The following SDK1 variants were observed in gnomAD, a reference collection of about 807,000 sequenced individuals.
SDK1 encodes sidekick cell adhesion molecule 1, also known as protein sidekick-1.
Under a neutral mutation model 245.5 loss-of-function variants are expected in SDK1, and 157 were observed. The observed-to-expected ratio is 0.64, with a 90% confidence interval of 0.56 to 0.73. The LOEUF (loss-of-function observed/expected upper bound fraction) is 0.73. Ranked by LOEUF, SDK1 falls within the 30% of genes least tolerant of loss-of-function variation. SDK1 has a pLI of 0.00. For missense variants in SDK1, 3,583 were observed against 3,002.3 expected (o/e 1.19, Z -4.52); for synonymous variants, 1,647 against 1,278.5 (o/e 1.29, Z -6.15).
At chr7:4,021,130 C>T (rs1465880015) in intron 17 of SDK1, among the ~76,000 whole-genome samples, 1 of 152,138 alleles carries the variant, frequency 6.6e-6, no homozygotes, top group Non-Finnish European at 1.5e-5. Context: ...AGGGCCCTGA[C>T]CCCGAGGGTA....
chr7:3,623,346 C>T (rs930003725), intron 2 of SDK1, among the ~76,000 whole-genome samples: 9 of 149,452 alleles, frequency 6.0e-5, no homozygotes, highest in Admixed American at 1.4e-4. Flanking sequence ...CTCCTGGTCT[C>T]AAGCGATTGT....
In SDK1 at chr7:4,245,680, C is replaced by T; in HGVS notation, c.6256C>T (p.Pro2086Ser). 4.3e-6 allele frequency: 7 copies of T among 1,613,930 alleles called. No individual in the cohort carries two copies. Among genetic ancestry groups the T allele is most frequent in the African/African-American group, 1.3e-5 (1 of 75,034 alleles). The part of the protein sequence containing the change: ...TFSKKNGTRS[P>S]PRPSPGGLHY... ...CAGCATGGGTCCTCATCCTAGGTCCCCACCCCGGCCTAGCCCCGGCGGCCT... is the reference window on the plus strand; with the variant it reads ...CAGCATGGGTCCTCATCCTAGGTCCTCACCCCGGCCTAGCCCCGGCGGCCT... Residue 2086 changes from proline to serine, a missense_variant, in exon 44 of 45, where the codon CCA becomes TCA. By Grantham distance (74) the Pro-to-Ser change is moderately conservative. Transcript: ENST00000404826.
At chr7:3,677,021 TGC>T (rs1783923509) in intron 4 of SDK1, among the ~76,000 whole-genome samples, 1 of 152,236 alleles carries the variant, frequency 6.6e-6, no homozygotes, top group Non-Finnish European at 1.5e-5. Flanking sequence ...CAAGGATTCC[TGC>T]ACCTCTTGGC....
chr7:3,626,342 G>C (rs562400397), intron 2 of SDK1, among the ~76,000 whole-genome samples: 1 of 152,318 alleles, frequency 6.6e-6, no homozygotes, highest in Non-Finnish European at 1.5e-5. Flanking sequence ...TCATGAAAGA[G>C]TCCCTTCTAA....
At chr7:3,676,486 C>T (rs1365993887) in intron 4 of SDK1, among the ~76,000 whole-genome samples, 1 of 151,846 alleles carries the variant, frequency 6.6e-6, no homozygotes, top group Non-Finnish European at 1.5e-5. Flanking sequence ...CCACCACGCC[C>T]AGCTAATTTT....
intron 1 of SDK1, among the ~76,000 whole-genome samples, chr7:3,570,737 T>C (rs184607454): frequency 6.6e-6 from 1 of 152,246 alleles, no homozygotes; most frequent in African/African-American, 2.4e-5. Flanking sequence ...AGAGTCGGTG[T>C]AATTTACTGC....
At chr7:3,743,907 C>T (rs1170072763) in intron 4 of SDK1, among the ~76,000 whole-genome samples, 6 of 152,176 alleles carry the variant, frequency 3.9e-5, no homozygotes. Flanking sequence ...AATGTGCTGA[C>T]ATCATGTAGC....
At chr7:3,551,793 G>T (rs1779423373) in intron 1 of SDK1, among the ~76,000 whole-genome samples, 1 of 151,926 alleles carries the variant, frequency 6.6e-6, no homozygotes, top group Non-Finnish European at 1.5e-5. Flanking sequence ...TTTCCACCCT[G>T]GCCTCCCGAA....
At chr7:4,045,348 T>G (rs1788943204) in intron 17 of SDK1, among the ~76,000 whole-genome samples, 1 of 152,024 alleles carries the variant, frequency 6.6e-6, no homozygotes, top group African/African-American at 2.4e-5. Flanking sequence ...GCTCTAGTGA[T>G]CCCCCCATCT....
intron 5 of SDK1, among the ~76,000 whole-genome samples, chr7:3,902,752 G>C (rs1173303526): frequency 6.6e-6 from 1 of 152,148 alleles, no homozygotes; most frequent in African/African-American, 2.4e-5. Flanking sequence ...TCTCAACAAT[G>C]CTTCATAAAG....
intron 1 of SDK1, among the ~76,000 whole-genome samples, chr7:3,351,169 T>A (rs1167176646): frequency 1.3e-5 from 2 of 152,144 alleles, no homozygotes; most frequent in Non-Finnish European, 2.9e-5. Flanking sequence ...TTCCATAGAT[T>A]GGTTAATCTT....
At chr7:3,524,808 T>A (rs1359943832) in intron 1 of SDK1, among the ~76,000 whole-genome samples, 2 of 151,922 alleles carry the variant, frequency 1.3e-5, no homozygotes. Context: ...AGGTCCAGAT[T>A]AGAAAAAAAA....
At chr7:4,172,327 G>A (rs1185750230) in intron 32 of SDK1, among the ~76,000 whole-genome samples, 7 of 152,164 alleles carry the variant, frequency 4.6e-5, no homozygotes, top group Non-Finnish European at 7.3e-5. Flanking sequence ...TGGCATGTGC[G>A]TGTCGCATGC....
chr7:3,725,824 C>A (rs74842798), intron 4 of SDK1, among the ~76,000 whole-genome samples: 1 of 152,164 alleles, frequency 6.6e-6, no homozygotes, highest in Non-Finnish European at 1.5e-5. Flanking sequence ...TGATTTGAAA[C>A]CACAATTTAC....
intron 20 of SDK1, among the ~76,000 whole-genome samples, chr7:4,074,532 T>C (rs1780496316): frequency 6.6e-6 from 1 of 151,886 alleles, no homozygotes; most frequent in Non-Finnish European, 1.5e-5. Context: ...GACGTCAGGG[T>C]GGGCAGATGA....
At chr7:3,821,669 A>G (rs564791686) in intron 5 of SDK1, 86 bp downstream of exon 5, 72 of 1,463,982 alleles carry the variant, frequency 4.9e-5, no homozygotes, top group Non-Finnish European at 6.1e-5. Flanking sequence ...GACATTTTGC[A>G]ATAAATTTTC....
In SDK1 at chr7:4,151,331, C is replaced by A. The variant is rs145772050; in HGVS notation, c.4625+1868C>A. Among the ~76,000 whole-genome samples, 524 of 152,314 alleles carry A rather than the reference C, an allele frequency of 3.4e-3. 7 individuals carry two copies. The highest frequency in any genetic ancestry group is 0.012 in the African/African-American group (497 of 41,564). The stretch of plus-strand genomic sequence containing the variant: ...GCAGTCTCATGGTCCAAGCAGCCCT[C>A]TGCTCTTCTGAAAATCGAGGTGGAA... On this transcript the variant is annotated intron_variant, in intron 30 of 44. Coordinates refer to ENST00000404826, the MANE Select transcript of SDK1 (RefSeq NM_152744.4).
chr7:4,172,345 G>A (rs749525600), intron 32 of SDK1, among the ~76,000 whole-genome samples: 3 of 152,164 alleles, frequency 2.0e-5, no homozygotes, highest in African/African-American at 4.8e-5. Flanking sequence ...TGCTGCATGC[G>A]TGAGTGTTGA....
chr7:3,955,851 T>C (rs749183554), intron 7 of SDK1, among the ~76,000 whole-genome samples: 10 of 152,108 alleles, frequency 6.6e-5, no homozygotes, highest in Admixed American at 2.6e-4. Context: ...AGTGAGGTCA[T>C]TTGACAGAGG....
Sources: allele counts gnomAD v4.1 joint callset (sites outside exome capture counted in the v4.1 genomes callset), GRCh38; gene constraint gnomAD v4.1.1; transcripts MANE v1.5; gene names NCBI Gene and HGNC (gene_info 2026-07-23, HGNC 2026-07-21).